The following ANKFN1 variants were observed in gnomAD, a reference collection of about 807,000 sequenced individuals.
ANKFN1 encodes the protein ankyrin repeat and fibronectin type III domain containing 1, also known as ankyrin repeat and fibronectin type-III domain-containing protein 1.
In ANKFN1, 74 loss-of-function variants were observed where a neutral mutation model predicts 108.7. That is an observed-to-expected ratio of 0.68 (90% CI 0.56 to 0.83). ANKFN1 has a LOEUF of 0.83. Among genes scored for constraint, ANKFN1 ranks in the 40% least tolerant of loss-of-function variants. The probability of loss-of-function intolerance (pLI) is 0.00; values close to 1 mark genes in which losing one functional copy is unlikely to be tolerated. For missense variants in ANKFN1, 1,505 were observed against 1,382.3 expected (o/e 1.09, Z -1.41); for synonymous variants, 547 against 516.2 (o/e 1.06, Z -0.81).
chr17:56,138,106 C>G (rs1010838142), intron 4 of ANKFN1, among the ~76,000 whole-genome samples: 11 of 152,098 alleles, frequency 7.2e-5, no homozygotes, highest in African/African-American at 1.7e-4. Flanking sequence ...TAGAAGCAAG[C>G]CCACATCTAG....
chr17:56,344,333 G>A (rs895953251), intron 4 of ANKFN1, among the ~76,000 whole-genome samples: 1 of 151,978 alleles, frequency 6.6e-6, no homozygotes, highest in Non-Finnish European at 1.5e-5. Context: ...GTTAATGATT[G>A]AACAGAGATT....
intron 4 of ANKFN1, among the ~76,000 whole-genome samples, chr17:56,097,788 T>C (rs1035632139): frequency 2.0e-5 from 3 of 152,250 alleles, no homozygotes; most frequent in African/African-American, 7.2e-5. Flanking sequence ...AGGCAAGGTA[T>C]GCTGGTTCAG....
intron 3 of ANKFN1, among the ~76,000 whole-genome samples, chr17:56,273,394 G>C (rs1175497308): frequency 6.6e-6 from 1 of 152,004 alleles, no homozygotes; most frequent in Admixed American, 6.6e-5. Flanking sequence ...TATAAATAAT[G>C]TGCTGACACA....
At chr17:56,222,000 C>G (rs1383780563) in intron 2 of ANKFN1, among the ~76,000 whole-genome samples, 1 of 152,186 alleles carries the variant, frequency 6.6e-6, no homozygotes, top group Non-Finnish European at 1.5e-5. Context: ...TGCAGAATTC[C>G]AGTCCCCACC....
chr17:56,242,189 CT>C (rs1917634764), intron 3 of ANKFN1, among the ~76,000 whole-genome samples: 1 of 152,028 alleles, frequency 6.6e-6, no homozygotes, highest in Non-Finnish European at 1.5e-5. Context: ...TTACCTATAT[CT>C]TCTCTGTCTT....
chr17:56,138,249 G>A (rs1907705932), intron 4 of ANKFN1, among the ~76,000 whole-genome samples: 1 of 152,136 alleles, frequency 6.6e-6, no homozygotes, highest in African/African-American at 2.4e-5. Flanking sequence ...TGGATATATA[G>A]CGGGGCTTTG....
At chr17:56,420,692 T>C in intron 8 of ANKFN1, among the ~76,000 whole-genome samples, 1 of 150,754 alleles carries the variant, frequency 6.6e-6, no homozygotes. Context: ...TCTTTTTTTT[T>C]TTTTTTTTTT....
rs142982325 is a variant in ANKFN1 at position 56,233,143 on chromosome 17, A to G, written c.53+5186A>G. On this transcript the variant is annotated intron_variant, in intron 3 of 20. Transcript: ENST00000682825. Reference sequence around the variant, plus strand: ...CTGGTAATATAAAAATAATAATAGTAGTAATAGTTGTATTGTTGTTGCTTT... The same window carrying G: ...CTGGTAATATAAAAATAATAATAGTGGTAATAGTTGTATTGTTGTTGCTTT... Among the ~76,000 whole-genome samples, 123 of 152,240 alleles carry G rather than the reference A, an allele frequency of 8.1e-4. No homozygotes were observed. In the Middle Eastern group the frequency reaches 0.01, roughly 13 times the overall value.
chr17:56,061,195 C>T (rs1904967772), intron 4 of ANKFN1, among the ~76,000 whole-genome samples: 1 of 139,414 alleles, frequency 7.2e-6, no homozygotes, highest in African/African-American at 2.7e-5. Flanking sequence ...TTATGCATGT[C>T]TTTAGATTTT....
Position 56,456,933 on chromosome 17 carries a change from C to T in ANKFN1, c.1280C>T (p.Ser427Leu), listed in dbSNP as rs756775724. The T allele has an allele frequency of 4.3e-6, 7 of 1,614,032 alleles. No individual in the cohort carries two copies. In the East Asian group the frequency reaches 6.7e-5, roughly 15 times the overall value. The change falls in exon 12 of 21, where the codon TCG (serine) becomes TTG (leucine). Residue 427 changes from serine (S) to leucine (L), a missense_variant. Physicochemically the swap from Ser to Leu is moderately radical, Grantham distance 145. Coordinates refer to ENST00000682825, the MANE Select transcript of ANKFN1 (RefSeq NM_001370326.1). ...AGCCTGAAACACCTGTTCCATTCCT[C>T]GAACAAGTTTGTGAAGACCTTAAAA... ...SRSLKHLFHS[S>L]NKFVKTLKRG...
chr17:56,210,100 A>AGATAGATG (rs1491510297), intron 1 of ANKFN1, among the ~76,000 whole-genome samples: 3 of 152,128 alleles, frequency 2.0e-5, no homozygotes, highest in Non-Finnish European at 4.4e-5. Flanking sequence ...ATAGATAGAT[A>AGATAGATG]GATAGATAAT....
intron 15 of ANKFN1, 138 bp downstream of exon 15, chr17:56,466,709 T>A: frequency 1.4e-6 from 1 of 703,712 alleles, no homozygotes; most frequent in Non-Finnish European, 2.3e-6. Flanking sequence ...TTGTTGCAAA[T>A]GCAGAAGCTT....
chr17:56,105,500 T>C (rs1447676380), intron 4 of ANKFN1, among the ~76,000 whole-genome samples: 1 of 152,060 alleles, frequency 6.6e-6, no homozygotes, highest in East Asian at 1.9e-4. Flanking sequence ...GTATCTTTTT[T>C]TCTTTCTCTT....
intron 4 of ANKFN1, among the ~76,000 whole-genome samples, chr17:56,109,272 G>T (rs1303065235): frequency 1.3e-5 from 2 of 152,136 alleles, no homozygotes; most frequent in African/African-American, 4.8e-5. Flanking sequence ...TAGCAGAAGG[G>T]ATTTGCCCAT....
intron 4 of ANKFN1, among the ~76,000 whole-genome samples, chr17:56,050,617 C>T (rs953782082): frequency 1.3e-5 from 2 of 151,010 alleles, no homozygotes; most frequent in Admixed American, 6.6e-5. Context: ...GTATGGCTAG[C>T]CAGTTTTCCC....
At chr17:56,411,574 G>A (rs1289270064) in intron 8 of ANKFN1, among the ~76,000 whole-genome samples, 3 of 152,148 alleles carry the variant, frequency 2.0e-5, no homozygotes, top group Non-Finnish European at 2.9e-5. Flanking sequence ...CCTGATCTTA[G>A]AGAAAAAGCT....
At chr17:56,106,453 C>A (rs1301217953) in intron 4 of ANKFN1, among the ~76,000 whole-genome samples, 3 of 152,210 alleles carry the variant, frequency 2.0e-5, no homozygotes, top group Non-Finnish European at 4.4e-5. Flanking sequence ...ACAGAGACCT[C>A]AGAACTGACT....
intron 11 of ANKFN1, among the ~76,000 whole-genome samples, chr17:56,450,191 G>A (rs1008878040): frequency 1.3e-5 from 2 of 152,052 alleles, no homozygotes; most frequent in African/African-American, 4.8e-5. Context: ...AGGCTGCAGT[G>A]AGTTACGATC....
intron 6 of ANKFN1, among the ~76,000 whole-genome samples, chr17:56,372,180 T>A (rs2046828525): frequency 6.6e-6 from 1 of 152,230 alleles, no homozygotes; most frequent in Admixed American, 6.5e-5. Context: ...AAAATTTGAA[T>A]CAGGTTCTAC....
Sources: gnomAD v4.1 joint callset for allele counts (sites outside exome capture counted in the v4.1 genomes callset) on GRCh38, gnomAD v4.1.1 for gene constraint, MANE v1.5 for transcripts, NCBI Gene and HGNC (gene_info 2026-07-23, HGNC 2026-07-21) for gene names.